Variants in NUDCD1 observed in about 807,000 individuals in gnomAD.
The protein encoded by NUDCD1 is NudC domain containing 1, also known as nudC domain-containing protein 1.
A neutral mutation model predicts 67.8 loss-of-function variants in NUDCD1; 60 were observed. The ratio of observed to expected loss-of-function variants is 0.88; its 90% confidence interval spans 0.72 to 1.10. NUDCD1 has a LOEUF of 1.10. Ranked by LOEUF, NUDCD1 falls within the 50% of genes least tolerant of loss-of-function variation. The pLI is 0.00. For missense variants in NUDCD1, 643 were observed against 695.0 expected, an observed-to-expected ratio of 0.93 and a Z score of 0.84; for synonymous variants, 244 against 230.8, an observed-to-expected ratio of 1.06 and a Z score of -0.52.
chr8:109,319,709 G>A (rs1170435730), intron 2 of NUDCD1, among the ~76,000 whole-genome samples: 1 of 152,154 alleles, frequency 6.6e-6, no homozygotes, highest in Admixed American at 6.5e-5. Flanking sequence ...AGTATACAAA[G>A]TGCTGTAAGA....
chr8:109,308,850 T>C lies in NUDCD1; in HGVS notation c.274-12281A>G, dbSNP rs150841007. ...AGCCAGGCATGGTGGCAGGCAAATG[T>C]AGTCCTAGCTACTCGGGAGACTGAG... On this transcript the variant is annotated intron_variant, in intron 2 of 9. Coordinates refer to ENST00000239690, the MANE Select transcript of NUDCD1 (RefSeq NM_032869.4). 2.8e-3 allele frequency among the ~76,000 whole-genome samples: 428 copies of C among 151,950 alleles called. 12 individuals carry two copies. In the East Asian group the frequency reaches 0.072, roughly 25 times the overall value.
chr8:109,278,774 G>C (rs997652553), intron 6 of NUDCD1, among the ~76,000 whole-genome samples: 3 of 152,138 alleles, frequency 2.0e-5, no homozygotes, highest in African/African-American at 7.2e-5. Flanking sequence ...TATACCACAC[G>C]TACTTATCCA....
chr8:109,305,797 C>T (rs1298938618), intron 2 of NUDCD1, among the ~76,000 whole-genome samples: 5 of 152,204 alleles, frequency 3.3e-5, no homozygotes, highest in Admixed American at 6.5e-5. Flanking sequence ...AACGGCTGTT[C>T]GTCTGCAGGA....
intron 2 of NUDCD1, among the ~76,000 whole-genome samples, chr8:109,308,525 TAAAG>T (rs1815163981): frequency 6.6e-6 from 1 of 151,828 alleles, no homozygotes; most frequent in Non-Finnish European, 1.5e-5. Context: ...ATACAAAAGA[TAAAG>T]GAAACAAAAA....
At chr8:109,313,611 A>G (rs1326815883) in intron 2 of NUDCD1, among the ~76,000 whole-genome samples, 2 of 152,216 alleles carry the variant, frequency 1.3e-5, no homozygotes, top group African/African-American at 2.4e-5. Flanking sequence ...GTAAGATACA[A>G]TGGGAGGCTT....
At chr8:109,278,692 T>A (rs1814356687) in intron 6 of NUDCD1, among the ~76,000 whole-genome samples, 1 of 152,210 alleles carries the variant, frequency 6.6e-6, no homozygotes, top group South Asian at 2.1e-4. Flanking sequence ...ACTCCACATG[T>A]TTTTAATTCA....
intron 1 of NUDCD1, among the ~76,000 whole-genome samples, chr8:109,327,858 A>C (rs1344631140): frequency 6.6e-6 from 1 of 152,192 alleles, no homozygotes; most frequent in Non-Finnish European, 1.5e-5. Context: ...GCTAAAGCAG[A>C]GCTCTCCCCT....
intron 8 of NUDCD1, among the ~76,000 whole-genome samples, chr8:109,254,303 C>A (rs984522531): frequency 1.3e-5 from 2 of 152,074 alleles, no homozygotes; most frequent in African/African-American, 2.4e-5. Context: ...TGATATGTAA[C>A]CATCAACAAA....
intron 2 of NUDCD1, among the ~76,000 whole-genome samples, chr8:109,306,128 C>T (rs140772505): frequency 7.4e-4 from 112 of 152,274 alleles, no homozygotes; most frequent in African/African-American, 2.3e-3. Flanking sequence ...CTCATAAATG[C>T]CCTGCCCTTG....
At chr8:109,271,670 T>C (rs778207693) in intron 7 of NUDCD1, among the ~76,000 whole-genome samples, 9 of 152,136 alleles carry the variant, frequency 5.9e-5, no homozygotes, top group Non-Finnish European at 1.3e-4. Flanking sequence ...CACTTTAGAA[T>C]GTCAAAGAAC....
At chr8:109,321,196 A>G (rs1457133929) in intron 2 of NUDCD1, among the ~76,000 whole-genome samples, 1 of 152,210 alleles carries the variant, frequency 6.6e-6, no homozygotes, top group African/African-American at 2.4e-5. Flanking sequence ...GCTAGAAGGA[A>G]TAGAGTACTT....
intron 6 of NUDCD1, among the ~76,000 whole-genome samples, chr8:109,277,443 T>C (rs1225698817): frequency 6.6e-6 from 1 of 151,348 alleles, no homozygotes; most frequent in South Asian, 2.1e-4. Context: ...TTAAAACTAG[T>C]ATTGTATGCT....
chr8:109,262,080 A>T (rs1219605651), intron 8 of NUDCD1, among the ~76,000 whole-genome samples: 1 of 152,136 alleles, frequency 6.6e-6, no homozygotes, highest in Non-Finnish European at 1.5e-5. Flanking sequence ...CACTTCAGCC[A>T]CTCTCTATGG....
In NUDCD1 at chr8:109,293,439, G is replaced by T; in HGVS notation, c.545C>A (p.Thr182Asn). ...CTCTTTCTCTATTCGAAGAAGTAGG[G>T]TAGCTATAGAATGTTCTTCAGCATT... is the stretch of plus-strand genomic sequence containing the variant. The part of the protein sequence containing the change: ...LLNAEEHSIA[T>N]LLLRIEKEEL... Residue 182 changes from threonine (T) to asparagine (N), a missense_variant, in exon 4 of 10, where the codon ACC becomes AAC. Thr to Asn is a moderately conservative substitution (Grantham distance 65). Transcript: ENST00000239690. The T allele has an allele frequency of 6.3e-7, 1 of 1,588,556 alleles. No individual in the cohort carries two copies. Among genetic ancestry groups the T allele is most frequent in the Non-Finnish European group, 8.6e-7 (1 of 1,163,290 alleles).
intron 2 of NUDCD1, among the ~76,000 whole-genome samples, chr8:109,303,573 G>A (rs536044611): frequency 9.9e-5 from 15 of 152,100 alleles, no homozygotes; most frequent in Middle Eastern, 3.4e-3. Context: ...ATTAGGTTGA[G>A]ACATTTTAAC....
At chr8:109,273,362 A>C (rs1345020822) in intron 7 of NUDCD1, among the ~76,000 whole-genome samples, 1 of 152,248 alleles carries the variant, frequency 6.6e-6, no homozygotes, top group East Asian at 1.9e-4. Context: ...GCATCAAATC[A>C]AATCAATCCC....
chr8:109,260,592 A>G (rs1813843866), intron 8 of NUDCD1, among the ~76,000 whole-genome samples: 1 of 152,256 alleles, frequency 6.6e-6, no homozygotes, highest in South Asian at 2.1e-4. Context: ...ATGCAATATG[A>G]GCCAAAGAAA....
chr8:109,301,416 C>T (rs1257452810), intron 2 of NUDCD1, among the ~76,000 whole-genome samples: 2 of 152,178 alleles, frequency 1.3e-5, no homozygotes, highest in South Asian at 2.1e-4. Flanking sequence ...GGACTCAGCT[C>T]GCCTGCACCC....
intron 2 of NUDCD1, among the ~76,000 whole-genome samples, chr8:109,309,975 C>T (rs1278244506): frequency 6.6e-6 from 1 of 151,972 alleles, no homozygotes; most frequent in Admixed American, 6.6e-5. Context: ...TGACAGAAAT[C>T]ACAGATTACA....
Sources: allele counts gnomAD v4.1 joint callset (sites outside exome capture counted in the v4.1 genomes callset), GRCh38; gene constraint gnomAD v4.1.1; transcripts MANE v1.5; gene names NCBI Gene and HGNC (gene_info 2026-07-23, HGNC 2026-07-21).